The following CPNE4 variants were observed in gnomAD, a reference collection of about 807,000 sequenced individuals.
CPNE4 encodes the protein copine-4.
Under a neutral mutation model 67.9 loss-of-function variants are expected in CPNE4, and 25 were observed. The observed-to-expected ratio is 0.37, with a 90% confidence interval of 0.27 to 0.51. The LOEUF (loss-of-function observed/expected upper bound fraction) is 0.51, where lower values mean the gene tolerates loss of function less well. CPNE4 is among the 20% of genes least tolerant of loss of function. The probability of loss-of-function intolerance (pLI) is 0.93; values close to 1 mark genes in which losing one functional copy is unlikely to be tolerated. For synonymous variants in CPNE4, 242 were observed against 244.9 expected, an observed-to-expected ratio of 0.99 and a Z score of 0.11; for missense variants, 464 against 690.8, an observed-to-expected ratio of 0.67 and a Z score of 3.68.
intron 3 of CPNE4, among the ~76,000 whole-genome samples, chr3:131,716,235 G>A (rs1452540769): frequency 2.3e-5 from 3 of 129,686 alleles, no homozygotes. Flanking sequence ...GAGTACTACA[G>A]CAGCCTTCAG....
At chr3:131,705,878 T>A (rs1394170717) in intron 3 of CPNE4, among the ~76,000 whole-genome samples, 1 of 152,102 alleles carries the variant, frequency 6.6e-6, no homozygotes, top group African/African-American at 2.4e-5. Context: ...CTTTGCCTCA[T>A]CTCTTGGGTA....
chr3:131,708,338 CT>C (rs1017035438), intron 3 of CPNE4, among the ~76,000 whole-genome samples: 1 of 152,006 alleles, frequency 6.6e-6, no homozygotes, highest in Non-Finnish European at 1.5e-5. Context: ...AGATGAAGAG[CT>C]TTGTTTTGGG....
intron 1 of CPNE4, among the ~76,000 whole-genome samples, chr3:132,018,715 GCT>G (rs1453782206): frequency 3.9e-5 from 6 of 152,150 alleles, no homozygotes; most frequent in African/African-American, 1.4e-4. Context: ...CCTTGGAAAT[GCT>G]CTCATATCTG....
chr3:131,549,415 A>T (rs1481255739), intron 14 of CPNE4, among the ~76,000 whole-genome samples: 1 of 152,138 alleles, frequency 6.6e-6, no homozygotes, highest in Admixed American at 6.6e-5. Flanking sequence ...TACTTCTAAA[A>T]TATTAGGGGC....
chr3:131,624,605 T>C (rs569121934), intron 7 of CPNE4, among the ~76,000 whole-genome samples: 2 of 152,306 alleles, frequency 1.3e-5, no homozygotes, highest in Admixed American at 1.3e-4. Flanking sequence ...CATTCTCTTT[T>C]ATCACTAATG....
intron 2 of CPNE4, among the ~76,000 whole-genome samples, chr3:131,794,241 CTT>C (rs560693108): frequency 1.6e-4 from 23 of 141,940 alleles, no homozygotes; most frequent in South Asian, 2.3e-4. Context: ...TTGGAAACAA[CTT>C]TTTTTTTTTT....
intron 15 of CPNE4, among the ~76,000 whole-genome samples, chr3:131,541,158 C>G (rs1205267702): frequency 1.3e-5 from 2 of 152,130 alleles, no homozygotes; most frequent in Non-Finnish European, 2.9e-5. Context: ...AAAGGCTATC[C>G]AGTAATACCC....
chr3:132,002,565 T>C lies in CPNE4; in HGVS notation c.-2+32002A>G, dbSNP rs149449297. Among the ~76,000 whole-genome samples the C allele has an allele frequency of 5.3e-5, 8 of 152,256 alleles. No homozygotes were observed. The East Asian group carries it at 1.2e-3, about 22-fold the overall frequency. ...ATTAAGCATTTGTCTGCCTGAAGCA[T>C]TGACACTTGTCCTCAGGAAGTTTGC... On this transcript the variant is annotated intron_variant, in intron 1 of 15. Coordinates refer to ENST00000429747, the MANE Select transcript of CPNE4 (RefSeq NM_130808.3).
intron 7 of CPNE4, among the ~76,000 whole-genome samples, chr3:131,642,009 A>G (rs2079552540): frequency 6.6e-6 from 1 of 152,088 alleles, no homozygotes; most frequent in African/African-American, 2.4e-5. Context: ...CTTGGGGGAA[A>G]GGGTGAGGGG....
In CPNE4 at chr3:131,816,198, T is replaced by C. The variant is rs138973923; in HGVS notation, c.180+89066A>G. On this transcript the variant is annotated intron_variant, in intron 2 of 15. Coordinates refer to ENST00000429747, the MANE Select transcript of CPNE4 (RefSeq NM_130808.3). ...TGCTTCTATGAGCATTTTAAAGACT[T>C]TTCCAAGTTTAGGACAATAGGTTTT... Among the ~76,000 whole-genome samples the C allele has an allele frequency of 2.6e-3, 401 of 152,294 alleles. 2 individuals are homozygous for C. Among genetic ancestry groups the C allele is most frequent in the African/African-American group, 9.0e-3 (374 of 41,536 alleles).
intron 2 of CPNE4, among the ~76,000 whole-genome samples, chr3:131,763,367 A>G (rs554955196): frequency 1.3e-5 from 2 of 152,264 alleles, no homozygotes; most frequent in South Asian, 4.1e-4. Flanking sequence ...TTGTGTACTT[A>G]TAATAACTTA....
chr3:131,641,991 T>G (rs2079552084), intron 7 of CPNE4, among the ~76,000 whole-genome samples: 1 of 151,952 alleles, frequency 6.6e-6, no homozygotes. Flanking sequence ...TACATTGGAC[T>G]TTGGGGACTT....
chr3:131,744,426 TAA>T (rs1273335129), intron 2 of CPNE4, among the ~76,000 whole-genome samples: 6 of 152,180 alleles, frequency 3.9e-5, no homozygotes, highest in African/African-American at 1.4e-4. Context: ...TAAGAAATAA[TAA>T]AGAGACCCCC....
intron 2 of CPNE4, among the ~76,000 whole-genome samples, chr3:131,840,779 A>G (rs2108017501): frequency 1.3e-5 from 2 of 152,334 alleles, no homozygotes; most frequent in South Asian, 4.1e-4. Context: ...GGTAATAGTT[A>G]TATAAACAGG....
chr3:131,606,362 T>G (rs1939503111), intron 7 of CPNE4, among the ~76,000 whole-genome samples: 1 of 152,172 alleles, frequency 6.6e-6, no homozygotes, highest in African/African-American at 2.4e-5. Context: ...CATGGAGAAA[T>G]TAGCTACTCC....
At chr3:131,863,518 T>C (rs2086788276) in intron 2 of CPNE4, among the ~76,000 whole-genome samples, 1 of 152,262 alleles carries the variant, frequency 6.6e-6, no homozygotes, top group African/African-American at 2.4e-5. Context: ...TTTTGAGAAG[T>C]GTCTGTTCAT....
chr3:131,803,290 G>A (rs968637041), intron 2 of CPNE4, among the ~76,000 whole-genome samples: 1 of 152,196 alleles, frequency 6.6e-6, no homozygotes, highest in Non-Finnish European at 1.5e-5. Context: ...ATTTAGCACA[G>A]TGCCTGGCAT....
chr3:131,617,700 T>G (rs1322625663), intron 7 of CPNE4, among the ~76,000 whole-genome samples: 3 of 152,184 alleles, frequency 2.0e-5, no homozygotes, highest in African/African-American at 7.2e-5. Context: ...CACAACATGT[T>G]GCTATTATAG....
At chr3:131,541,635 T>G (rs933180184) in intron 15 of CPNE4, among the ~76,000 whole-genome samples, 6 of 151,946 alleles carry the variant, frequency 3.9e-5, no homozygotes, top group Non-Finnish European at 7.4e-5. Context: ...TTAGCAAACT[T>G]ATTCAGCATT....
Sources: gnomAD v4.1 joint callset for allele counts (sites outside exome capture counted in the v4.1 genomes callset) on GRCh38, gnomAD v4.1.1 for gene constraint, MANE v1.5 for transcripts, NCBI Gene and HGNC (gene_info 2026-07-23, HGNC 2026-07-21) for gene names.